The following GNG2 variants were observed in gnomAD, a reference collection of about 807,000 sequenced individuals.
GNG2 encodes the protein G protein subunit gamma 2.
Under a neutral mutation model 5.5 loss-of-function variants are expected in GNG2, and 5 were observed. The observed-to-expected ratio is 0.91, with a 90% confidence interval of 0.48 to 1.92. The LOEUF (loss-of-function observed/expected upper bound fraction) is 1.92. Ranked by LOEUF, GNG2 falls within the 30% of genes most tolerant of loss-of-function variation. The probability of loss-of-function intolerance (pLI) is 0.01; values close to 1 mark genes in which losing one functional copy is unlikely to be tolerated. For missense variants in GNG2, 55 were observed against 88.4 expected (o/e 0.62, Z 1.52); for synonymous variants, 28 against 32.0 (o/e 0.88, Z 0.42).
intron 2 of GNG2, among the ~76,000 whole-genome samples, chr14:51,885,080 T>C (rs1001572597): frequency 2.6e-5 from 4 of 152,214 alleles, no homozygotes; most frequent in Non-Finnish European, 4.4e-5. Flanking sequence ...CCAGTCATAA[T>C]TGGAGTCCAT....
rs146150257 is a variant in GNG2 at position 51,869,994 on chromosome 14, A to G, written c.-70-7623A>G. Among the ~76,000 whole-genome samples the G allele has an allele frequency of 3.6e-3, 541 of 152,324 alleles. 1 individual carries two copies. The highest frequency in any genetic ancestry group is 0.01 in the Middle Eastern group (3 of 294). On this transcript the variant is annotated intron_variant, in intron 1 of 3. Coordinates refer to ENST00000556766, the MANE Select transcript of GNG2 (RefSeq NM_053064.5). Reference sequence around the variant, plus strand: ...AGAACAAAGTCATCAGACCCCAGCAAAAGGGTCTGGTTCTATTAGCAAGGA... The same window carrying G: ...AGAACAAAGTCATCAGACCCCAGCAGAAGGGTCTGGTTCTATTAGCAAGGA...
At chr14:51,827,557 G>T in intron 1 of GNG2, 3 of 594,536 alleles carry the variant, frequency 5.0e-6, no homozygotes, top group African/African-American at 1.9e-5. Flanking sequence ...ATTTTTTGAT[G>T]TCATACAGTT....
chr14:51,849,695 A>G (rs1480588293), intron 2 of GNG2, among the ~76,000 whole-genome samples: 1 of 152,234 alleles, frequency 6.6e-6, no homozygotes. Flanking sequence ...TGTAAAATCC[A>G]TGCGATCAGA....
intron 2 of GNG2, among the ~76,000 whole-genome samples, chr14:51,830,764 T>G (rs1881164065): frequency 6.6e-6 from 1 of 152,228 alleles, no homozygotes; most frequent in South Asian, 2.1e-4. Context: ...TAAGCCTCCT[T>G]GCTTTCATCA....
chr14:51,892,205 TG>T (rs1414621789), intron 2 of GNG2, among the ~76,000 whole-genome samples: 7 of 152,348 alleles, frequency 4.6e-5, no homozygotes, highest in Admixed American at 2.6e-4. Context: ...GGACGTAAAT[TG>T]TTTTTTATTA....
chr14:51,907,773 CT>C (rs1413335487), intron 2 of GNG2, among the ~76,000 whole-genome samples: 4 of 152,166 alleles, frequency 2.6e-5, no homozygotes, highest in Admixed American at 6.5e-5. Context: ...TTCAGTCCCC[CT>C]CTCCTCATCA....
chr14:51,849,059 C>T (rs1423180401), intron 2 of GNG2, among the ~76,000 whole-genome samples: 1 of 152,146 alleles, frequency 6.6e-6, no homozygotes, highest in African/African-American at 2.4e-5. Context: ...AATTTGGGAG[C>T]AGCTTATCTT....
intron 2 of GNG2, among the ~76,000 whole-genome samples, chr14:51,927,573 A>G (rs1424497412): frequency 1.3e-5 from 2 of 152,176 alleles, no homozygotes; most frequent in Non-Finnish European, 2.9e-5. Flanking sequence ...GAAATTCCCT[A>G]TTTATGGGTC....
chr14:51,828,605 G>C (rs1594826923), intron 2 of GNG2, among the ~76,000 whole-genome samples: 1 of 152,146 alleles, frequency 6.6e-6, no homozygotes, highest in Admixed American at 6.5e-5. Flanking sequence ...GCCACACTGA[G>C]GATTCTGGAA....
intron 2 of GNG2, among the ~76,000 whole-genome samples, chr14:51,926,263 A>G (rs1203105016): frequency 6.6e-6 from 1 of 152,182 alleles, no homozygotes; most frequent in African/African-American, 2.4e-5. Flanking sequence ...ACCAAGGCAC[A>G]TTTAAGCTTA....
chr14:51,934,241 CAAAG>C (rs1321989185), intron 2 of GNG2, among the ~76,000 whole-genome samples: 2 of 152,132 alleles, frequency 1.3e-5, no homozygotes, highest in Non-Finnish European at 2.9e-5. Context: ...CTGCTAGAGT[CAAAG>C]AATCACTAGT....
chr14:51,930,386 C>A (rs933923411), intron 2 of GNG2, among the ~76,000 whole-genome samples: 5 of 152,212 alleles, frequency 3.3e-5, no homozygotes, highest in African/African-American at 1.2e-4. Context: ...ACAGAGGAAA[C>A]TAGTCATTTT....
chr14:51,899,914 A>AT (rs1487252616), intron 2 of GNG2, among the ~76,000 whole-genome samples: 1 of 152,198 alleles, frequency 6.6e-6, no homozygotes, highest in Non-Finnish European at 1.5e-5. Context: ...TCACCCATCA[A>AT]TGGACACTTG....
intron 2 of GNG2, among the ~76,000 whole-genome samples, chr14:51,922,427 C>T (rs889750364): frequency 1.3e-5 from 2 of 152,134 alleles, no homozygotes; most frequent in Non-Finnish European, 2.9e-5. Flanking sequence ...CTATGGATGA[C>T]TCCCTCTTTT....
rs1370410276 is a variant in GNG2 at position 51,935,021 on chromosome 14, C to CTTTTTTTT, written c.-29-15626_-29-15625insTTTTTTTT. ...ATAGGTGGAAATTCCAGCCCAGTTT[C>CTTTTTTTT]TTTCTTTTTTTTTTTTTTTTGGAGA... On this transcript the variant is annotated intron_variant, in intron 2 of 3. Transcript: ENST00000556766. 4.5e-5 allele frequency among the ~76,000 whole-genome samples: 5 copies of CTTTTTTTT among 111,302 alleles called. 2 individuals carry two copies. The highest frequency in any genetic ancestry group is 1.8e-5 in the Non-Finnish European group (1 of 54,184). The allele number at this position is 111,302 out of a possible 152,430, so 73.0% of individuals were successfully genotyped here. A position where few individuals can be genotyped will look rare whatever the true frequency, so the allele number is the denominator to read the frequency against.
chr14:51,834,964 A>C (rs1259932661), intron 2 of GNG2, among the ~76,000 whole-genome samples: 1 of 152,230 alleles, frequency 6.6e-6, no homozygotes, highest in Non-Finnish European at 1.5e-5. Context: ...ATTCAGTGCT[A>C]AAAGAGCCGA....
chr14:51,845,861 C>T (rs965757417), intron 2 of GNG2, among the ~76,000 whole-genome samples: 1 of 152,136 alleles, frequency 6.6e-6, no homozygotes. Context: ...GTGGTATATG[C>T]TGGAAATAAT....
At chr14:51,911,197 G>A (rs1199448064) in intron 2 of GNG2, among the ~76,000 whole-genome samples, 1 of 152,240 alleles carries the variant, frequency 6.6e-6, no homozygotes. Context: ...AAAGTGTAAA[G>A]TGGCTTGGTG....
chr14:51,872,199 T>G (rs1883348758), intron 1 of GNG2, among the ~76,000 whole-genome samples: 1 of 152,220 alleles, frequency 6.6e-6, no homozygotes, highest in Non-Finnish European at 1.5e-5. Context: ...CAGTATAACC[T>G]AGCCTATATG....
Sources: gnomAD v4.1 joint callset for allele counts (sites outside exome capture counted in the v4.1 genomes callset) on GRCh38, gnomAD v4.1.1 for gene constraint, MANE v1.5 for transcripts, NCBI Gene and HGNC (gene_info 2026-07-23, HGNC 2026-07-21) for gene names.